Variants in DMGDH observed in about 807,000 individuals in gnomAD.
DMGDH encodes the protein dimethylglycine dehydrogenase, mitochondrial.
DMGDH carries 76 observed loss-of-function variants against 95.2 expected under a neutral mutation model. That is an observed-to-expected ratio of 0.80 (90% CI 0.66 to 0.97). The LOEUF (loss-of-function observed/expected upper bound fraction) is 0.97. DMGDH is among the 50% of genes least tolerant of loss of function. The probability of loss-of-function intolerance (pLI) is 0.00; values close to 1 mark genes in which losing one functional copy is unlikely to be tolerated. For synonymous variants in DMGDH, 345 were observed against 377.6 expected (o/e 0.91, Z 1.00); for missense variants, 987 against 1,055.0 (o/e 0.94, Z 0.89).
intron 14 of DMGDH, among the ~76,000 whole-genome samples, chr5:79,010,113 C>T (rs1329182682): frequency 6.6e-6 from 1 of 152,086 alleles, no homozygotes. Flanking sequence ...ACCTGTAATA[C>T]ATACTAAATA....
intron 5 of DMGDH, among the ~76,000 whole-genome samples, chr5:79,048,125 C>G (rs1378864280): frequency 6.6e-6 from 1 of 151,790 alleles, no homozygotes; most frequent in Non-Finnish European, 1.5e-5. Flanking sequence ...GAAATAATTG[C>G]AATGATCATA....
intron 14 of DMGDH, among the ~76,000 whole-genome samples, chr5:79,009,978 G>T (rs1295242723): frequency 6.6e-6 from 1 of 152,044 alleles, no homozygotes; most frequent in Non-Finnish European, 1.5e-5. Context: ...TATATAAATA[G>T]CTATTAATAT....
At chr5:79,032,520 G>A (rs561607286) in intron 9 of DMGDH, among the ~76,000 whole-genome samples, 167 bp downstream of exon 9, 1 of 152,296 alleles carries the variant, frequency 6.6e-6, no homozygotes, top group East Asian at 1.9e-4. Flanking sequence ...GTGTCTCGTG[G>A]GCTAGACTAA....
chr5:79,011,682 A>T (rs1386710903), intron 14 of DMGDH, among the ~76,000 whole-genome samples: 1 of 152,176 alleles, frequency 6.6e-6, no homozygotes. Flanking sequence ...AGTTAGAATC[A>T]TGGTGGAAGG....
chr5:79,063,254 C>T (rs1240233831), intron 2 of DMGDH, among the ~76,000 whole-genome samples: 5 of 152,086 alleles, frequency 3.3e-5, no homozygotes, highest in Non-Finnish European at 7.3e-5. Flanking sequence ...CAATACCTTG[C>T]GTTTAATAAT....
chr5:79,033,350 C>A lies in DMGDH; in HGVS notation c.1252G>T (p.Gly418Ter), dbSNP rs1008812504. The A allele has an allele frequency of 4.3e-6, 7 of 1,614,084 alleles. No individual in the cohort carries two copies. In the African/African-American group the frequency reaches 5.3e-5, roughly 12 times the overall value. Reference protein sequence around the residue: ...GKYLSDWILHGEPPFDLIELD... With the variant: ...GKYLSDWILH ...TCTATCAGATCAAAAGGAGGTTCTC[C>A]ATGCAGGATCCAGTCACTGAGATAT... Residue 418 changes from glycine (G) to a stop codon, truncating the protein, a stop_gained, in exon 8 of 16, where the codon GGA becomes TGA. Coordinates refer to ENST00000255189, the MANE Select transcript of DMGDH (RefSeq NM_013391.3). LOFTEE classifies it high-confidence loss of function.
intron 14 of DMGDH, among the ~76,000 whole-genome samples, chr5:79,005,737 G>T (rs1659552645): frequency 6.6e-6 from 1 of 152,182 alleles, no homozygotes; most frequent in Non-Finnish European, 1.5e-5. Context: ...CTGGACAGTG[G>T]TACGGGCTGT....
intron 7 of DMGDH, among the ~76,000 whole-genome samples, chr5:79,033,815 C>A (rs1181984371): frequency 6.6e-6 from 1 of 151,960 alleles, no homozygotes; most frequent in Non-Finnish European, 1.5e-5. Context: ...GACTGTGGTC[C>A]CAGGTACACG....
At chr5:79,027,168 T>C (rs1441948578) in intron 12 of DMGDH, among the ~76,000 whole-genome samples, 1 of 152,182 alleles carries the variant, frequency 6.6e-6, no homozygotes, top group Non-Finnish European at 1.5e-5. Context: ...TGCTTATTTT[T>C]GTGTTCTTGT....
In DMGDH at chr5:79,044,511, G is replaced by T. The variant is rs1754612790; in HGVS notation, c.787C>A (p.His263Asn). ...REVGKMIGLE[H>N]PLIPVQHQYV... Reference sequence around the variant, plus strand: ...TGATGTTGAACCGGAATGAGAGGATGTTCTAGTCCAATCATTTTACCTACT... The same window carrying T: ...TGATGTTGAACCGGAATGAGAGGATTTTCTAGTCCAATCATTTTACCTACT... The change falls in exon 6 of 16, where the codon CAT (histidine) becomes AAT (asparagine). Residue 263 changes from histidine (H) to asparagine (N), a missense_variant. By Grantham distance (68) the His-to-Asn change is moderately conservative. Coordinates refer to ENST00000255189, the MANE Select transcript of DMGDH (RefSeq NM_013391.3). 1.2e-6 allele frequency: 2 copies of T among 1,613,852 alleles called. No homozygotes were observed. The highest frequency in any genetic ancestry group is 8.5e-7 in the Non-Finnish European group (1 of 1,179,920).
rs1056244137 is a variant in DMGDH, at chr5:79,069,456, C to T, written c.101+64G>A. Reference sequence around the variant, plus strand: ...GCGCTCCTAACCCCTGAGCCTGCCTCAGCCTCTGGCTCCCACCCCCGCAGC... The same window carrying T: ...GCGCTCCTAACCCCTGAGCCTGCCTTAGCCTCTGGCTCCCACCCCCGCAGC... On this transcript the variant is annotated intron_variant, in intron 1 of 15. Transcript: ENST00000255189. 13 of 1,041,008 alleles carry T rather than the reference C, an allele frequency of 1.2e-5. No individual in the cohort carries two copies. In the African/African-American group the frequency reaches 1.8e-4, roughly 15 times the overall value. 64.5% of individuals were successfully genotyped at this position (1,041,008 alleles called of 1,614,324 possible). A position where few individuals can be genotyped will look rare whatever the true frequency, so the allele number is the denominator to read the frequency against.
At chr5:79,059,600 C>G (rs1301991411) in intron 2 of DMGDH, among the ~76,000 whole-genome samples, 2 of 152,218 alleles carry the variant, frequency 1.3e-5, no homozygotes, top group Non-Finnish European at 2.9e-5. Context: ...GTTTATTTCT[C>G]ACATATATGA....
intron 14 of DMGDH, among the ~76,000 whole-genome samples, chr5:79,023,205 C>T (rs575628720): frequency 2.6e-5 from 4 of 152,292 alleles, no homozygotes; most frequent in Admixed American, 2.0e-4. Flanking sequence ...CATGTATTCA[C>T]GTATTTCCAC....
chr5:79,016,398 A>T (rs1247556519), intron 14 of DMGDH, among the ~76,000 whole-genome samples: 1 of 152,218 alleles, frequency 6.6e-6, no homozygotes, highest in Non-Finnish European at 1.5e-5. Flanking sequence ...GCAAAGTTCC[A>T]AAATATAAGA....
At chr5:79,054,742 T>C (rs892855507) in intron 3 of DMGDH, among the ~76,000 whole-genome samples, 3 of 152,314 alleles carry the variant, frequency 2.0e-5, no homozygotes, top group South Asian at 2.1e-4. Context: ...GGAGAGATCA[T>C]GTAGAATCAA....
In DMGDH at chr5:79,054,164, A is replaced by C. The variant is rs1160138628; in HGVS notation, c.540+20T>G. 4 of 1,612,370 alleles carry C rather than the reference A, an allele frequency of 2.5e-6. No individual in the cohort carries two copies. Among genetic ancestry groups the C allele is most frequent in the Non-Finnish European group, 3.4e-6 (4 of 1,179,624 alleles). ...TTTACTTAAGTCAACAAATGGTAAAAATGCCCTTAAGATAAATACCTTATT... is the reference window on the plus strand; with the variant it reads ...TTTACTTAAGTCAACAAATGGTAAACATGCCCTTAAGATAAATACCTTATT... On this transcript the variant is annotated intron_variant, in intron 4 of 15. Transcript: ENST00000255189.
intron 13 of DMGDH, among the ~76,000 whole-genome samples, chr5:79,024,942 A>T (rs1207366621): frequency 6.6e-6 from 1 of 152,264 alleles, no homozygotes; most frequent in Non-Finnish European, 1.5e-5. Flanking sequence ...TGAGAGAACT[A>T]GTCTAAACCC....
chr5:79,023,359 A>G (rs910199674), intron 14 of DMGDH, among the ~76,000 whole-genome samples: 1 of 152,196 alleles, frequency 6.6e-6, no homozygotes, highest in African/African-American at 2.4e-5. Flanking sequence ...AAGTTGTTTT[A>G]TTATAACTCT....
At chr5:79,016,332 A>C (rs1342702074) in intron 14 of DMGDH, among the ~76,000 whole-genome samples, 3 of 152,194 alleles carry the variant, frequency 2.0e-5, no homozygotes, top group African/African-American at 7.2e-5. Flanking sequence ...ATGATTGTCC[A>C]TGTGACAATC....
Sources: allele counts gnomAD v4.1 joint callset (sites outside exome capture counted in the v4.1 genomes callset), GRCh38; gene constraint gnomAD v4.1.1; transcripts MANE v1.5; gene names NCBI Gene and HGNC (gene_info 2026-07-23, HGNC 2026-07-21).